Variants in SNX9 observed in about 807,000 individuals in gnomAD.
The protein encoded by SNX9 is sorting nexin-9.
In SNX9, 44 loss-of-function variants were observed where a neutral mutation model predicts 89.4. The ratio of observed to expected loss-of-function variants is 0.49; its 90% CI spans 0.39 to 0.63. The LOEUF (loss-of-function observed/expected upper bound fraction) is 0.63. Among genes scored for constraint, SNX9 ranks in the 30% least tolerant of loss-of-function variants. The pLI is 0.00. For synonymous variants in SNX9, 236 were observed against 247.8 expected (o/e 0.95, Z 0.45); for missense variants, 578 against 736.1 (o/e 0.79, Z 2.49).
chr6:157,876,756 C>T lies in SNX9; in HGVS notation c.300+1580C>T, dbSNP rs544413501. 5.8e-4 allele frequency among the ~76,000 whole-genome samples: 89 copies of T among 152,358 alleles called. 1 individual carries two copies. In the South Asian group the frequency reaches 0.015, roughly 26 times the overall value. On this transcript the variant is annotated intron_variant, in intron 4 of 17. Coordinates refer to ENST00000392185, the MANE Select transcript of SNX9 (RefSeq NM_016224.5). ...GGGTTCTCAACCTGAGCCTCATTGC[C>T]GTTTGAGGCCCCGCGCCCTTTCCTA...
chr6:157,916,435 TG>T (rs1783473754), intron 9 of SNX9, among the ~76,000 whole-genome samples: 1 of 152,236 alleles, frequency 6.6e-6, no homozygotes, highest in Admixed American at 6.5e-5. Flanking sequence ...TCTGCCTTAT[TG>T]CACTTGCTAG....
rs1781278062 is a variant in SNX9, at chr6:157,823,495, GC to G, written c.12+50del. 1 of 1,170,722 alleles carries G rather than the reference GC, an allele frequency of 8.5e-7. No homozygotes were observed. Among genetic ancestry groups the G allele is most frequent in the Non-Finnish European group, 1.1e-6 (1 of 949,906 alleles). The allele number at this position is 1,170,722 out of a possible 1,614,324, so 72.5% of individuals were successfully genotyped here. ...GGGCCGGTCGCTCAGGCCCGGGGCGGCGCGGAGAGGGTCGGGGCCGGGGCCG... is the reference window on the plus strand; with the variant it reads ...GGGCCGGTCGCTCAGGCCCGGGGCGGGCGGAGAGGGTCGGGGCCGGGGCCG... On this transcript the variant is annotated intron_variant, in intron 1 of 17. Transcript: ENST00000392185. The surrounding 1 kb of genome is among the most constrained non-coding windows in gnomAD (Gnocchi z 4.6).
chr6:157,916,971 T>C (rs1160335939), intron 9 of SNX9, among the ~76,000 whole-genome samples: 2 of 148,632 alleles, frequency 1.3e-5, no homozygotes, highest in African/African-American at 5.3e-5. Flanking sequence ...GAAGAGATTA[T>C]ATAGAATTGA....
chr6:157,871,811 C>T (rs2115139014), intron 2 of SNX9, among the ~76,000 whole-genome samples: 1 of 145,250 alleles, frequency 6.9e-6, no homozygotes, highest in East Asian at 2.0e-4. Flanking sequence ...GGCTCTCACC[C>T]TGTCACCCAG....
At chr6:157,869,018 C>A (rs1782332778) in intron 2 of SNX9, among the ~76,000 whole-genome samples, 1 of 152,228 alleles carries the variant, frequency 6.6e-6, no homozygotes, top group Non-Finnish European at 1.5e-5. Context: ...CCTGGAGATA[C>A]AAAGACAGGA....
At chr6:157,880,103 G>A (rs539906341) in intron 4 of SNX9, among the ~76,000 whole-genome samples, 2 of 152,044 alleles carry the variant, frequency 1.3e-5, no homozygotes, top group African/African-American at 2.4e-5. Context: ...TTCACACCCC[G>A]CCAGTCCCCA....
At chr6:157,899,437 A>G (rs1215265873) in intron 5 of SNX9, among the ~76,000 whole-genome samples, 1 of 152,144 alleles carries the variant, frequency 6.6e-6, no homozygotes, top group Non-Finnish European at 1.5e-5. Context: ...GTACCACTTA[A>G]CATTCTTACA....
At chr6:157,891,712 AAGG>A (rs1430133184) in intron 4 of SNX9, among the ~76,000 whole-genome samples, 1 of 152,222 alleles carries the variant, frequency 6.6e-6, no homozygotes, top group Non-Finnish European at 1.5e-5. Flanking sequence ...AAGAAAGTGA[AAGG>A]AGGCGGCTGG....
At chr6:157,836,128 G>A (rs913151173) in intron 1 of SNX9, among the ~76,000 whole-genome samples, 7 of 151,766 alleles carry the variant, frequency 4.6e-5, no homozygotes, top group Admixed American at 4.6e-4. Context: ...TTGTTTGTTT[G>A]TTTGTAGAGA....
chr6:157,925,746 C>G (rs887498900), intron 10 of SNX9, among the ~76,000 whole-genome samples: 2 of 152,046 alleles, frequency 1.3e-5, no homozygotes, highest in African/African-American at 4.8e-5. Flanking sequence ...GAAAAACTAG[C>G]AGGACAGGGT....
intron 7 of SNX9, among the ~76,000 whole-genome samples, chr6:157,907,368 G>T (rs1429876394): frequency 1.3e-5 from 2 of 152,178 alleles, no homozygotes; most frequent in South Asian, 2.1e-4. Context: ...TGCAACCTCT[G>T]CCTCCCGGGT....
Position 157,928,611 on chromosome 6 carries a change from C to T in SNX9, c.1197C>T (p.Cys399=), listed in dbSNP as rs762094094. Residue 399 remains cysteine (C), a synonymous_variant, in exon 12 of 18, where the codon TGC becomes TGT. Transcript: ENST00000392185. ...CCTTCACCCACAGAGAGCAGAAGTG[C>T]GAGGCTGTGGGGAAGTTCACCAAGG... ...DLDLVEIEQK[C]EAVGKFTKAM... 61 of 1,607,562 alleles carry T rather than the reference C, an allele frequency of 3.8e-5. No homozygotes were observed. Among genetic ancestry groups the T allele is most frequent in the South Asian group, 3.7e-4 (33 of 89,666 alleles).
chr6:157,872,342 A>G (rs1782429759), intron 2 of SNX9, among the ~76,000 whole-genome samples: 1 of 152,194 alleles, frequency 6.6e-6, no homozygotes, highest in Non-Finnish European at 1.5e-5. Flanking sequence ...AATATTATTT[A>G]TCCAGAAGAA....
At chr6:157,929,550 T>C (rs1047408303) in intron 12 of SNX9, among the ~76,000 whole-genome samples, 1 of 152,192 alleles carries the variant, frequency 6.6e-6, no homozygotes, top group Non-Finnish European at 1.5e-5. Context: ...AATCTATCAC[T>C]AAGAATTTTC....
intron 1 of SNX9, among the ~76,000 whole-genome samples, chr6:157,827,735 T>TCC (rs1208690699): frequency 6.6e-6 from 1 of 150,872 alleles, no homozygotes; most frequent in African/African-American, 2.4e-5. Flanking sequence ...TGGAGGTTAA[T>TCC]CCATATCTAT....
At chr6:157,843,870 G>GTTT (rs1781749860) in intron 1 of SNX9, among the ~76,000 whole-genome samples, 1 of 131,410 alleles carries the variant, frequency 7.6e-6, no homozygotes, top group African/African-American at 3.0e-5. Context: ...TTTCCCATTT[G>GTTT]TCTTTTTTTT....
chr6:157,858,002 T>G (rs1463203970), intron 1 of SNX9, among the ~76,000 whole-genome samples: 1 of 152,174 alleles, frequency 6.6e-6, no homozygotes, highest in Non-Finnish European at 1.5e-5. Context: ...TGGCCTTTCC[T>G]TCATGTTAGG....
chr6:157,835,420 T>C (rs184045375), intron 1 of SNX9, among the ~76,000 whole-genome samples: 120 of 151,122 alleles, frequency 7.9e-4, no homozygotes, highest in Middle Eastern at 3.4e-3. Context: ...TTCTTTTTTT[T>C]TTTTTTTTTT....
At chr6:157,921,971 AAC>A (rs1783593531) in intron 10 of SNX9, among the ~76,000 whole-genome samples, 1 of 152,192 alleles carries the variant, frequency 6.6e-6, no homozygotes, top group Non-Finnish European at 1.5e-5. Context: ...ATAGGCCCCA[AAC>A]TCTGAAGGTA....
Sources: allele counts gnomAD v4.1 joint callset (sites outside exome capture counted in the v4.1 genomes callset), GRCh38; gene constraint gnomAD v4.1.1; non-coding constraint Gnocchi (gnomAD v3.1); transcripts MANE v1.5; gene names NCBI Gene and HGNC (gene_info 2026-07-23, HGNC 2026-07-21).